The following EPHB2 variants were observed in gnomAD, a reference collection of about 807,000 sequenced individuals.
The protein encoded by EPHB2 is EPH receptor B2.
Under a neutral mutation model 96.4 loss-of-function variants are expected in EPHB2, and 18 were observed. The ratio of observed to expected loss-of-function variants is 0.19; its 90% CI spans 0.13 to 0.28. The LOEUF is 0.28. Among genes scored for constraint, EPHB2 ranks in the 10% least tolerant of loss-of-function variants. The probability of loss-of-function intolerance (pLI) is 1.00; values close to 1 mark genes in which losing one functional copy is unlikely to be tolerated. For synonymous variants in EPHB2, 506 were observed against 534.1 expected (o/e 0.95, Z 0.72); for missense variants, 989 against 1,355.4 (o/e 0.73, Z 4.25).
chr1:22,785,240 G>C (rs976685854), intron 3 of EPHB2, among the ~76,000 whole-genome samples, 164 bp downstream of exon 3: 1 of 152,250 alleles, frequency 6.6e-6, no homozygotes, highest in Non-Finnish European at 1.5e-5. Flanking sequence ...GCTTCTTAGA[G>C]GGAGGCACTT....
chr1:22,788,489 C>T (rs1644643270), intron 3 of EPHB2, among the ~76,000 whole-genome samples: 1 of 152,262 alleles, frequency 6.6e-6, no homozygotes. Flanking sequence ...GCCCAAGCCC[C>T]ATAGGCACTG....
intron 3 of EPHB2, among the ~76,000 whole-genome samples, chr1:22,850,418 C>T (rs1645609190): frequency 6.6e-6 from 1 of 152,242 alleles, no homozygotes; most frequent in African/African-American, 2.4e-5. Context: ...CCATCTCACC[C>T]TCACGGTACC....
chr1:22,845,773 A>G (rs1645532849), intron 3 of EPHB2, among the ~76,000 whole-genome samples: 1 of 152,078 alleles, frequency 6.6e-6, no homozygotes, highest in Non-Finnish European at 1.5e-5. Context: ...CTATAAACAC[A>G]TTGTTCAAAT....
At position 22,915,676 on chromosome 1, in the gene EPHB2, G is replaced by A. The variant is rs1640247129; in HGVS notation, c.*2106G>A. 6.6e-6 allele frequency: 1 copy of A among 152,240 alleles called. No homozygotes were observed. Among genetic ancestry groups the A allele is most frequent in the Non-Finnish European group, 1.5e-5 (1 of 68,056 alleles). The allele number at this position is 152,240 out of a possible 1,614,324, so 9.4% of individuals were successfully genotyped here. On this transcript the variant is annotated 3_prime_UTR_variant, in exon 16 of 16. Transcript: ENST00000374630. ...GTGAGCTGTCATAGTGGGAACGTGA[G>A]GGTCTTAGAGTGCTCATGTACCCCC...
At chr1:22,732,760 A>G (rs1643746548) in intron 1 of EPHB2, among the ~76,000 whole-genome samples, 1 of 152,122 alleles carries the variant, frequency 6.6e-6, no homozygotes, top group Non-Finnish European at 1.5e-5. Context: ...GCTCACATTG[A>G]TATCTCCATT....
Position 22,909,184 on chromosome 1 carries a change from G to C in EPHB2, c.2502+13G>C. Reference sequence around the variant, plus strand: ...GACCAACCAGGATGTAAGTCTCCAAGGGGATAGGCAAGGCCTCTCTGGCCC... The same window carrying C: ...GACCAACCAGGATGTAAGTCTCCAACGGGATAGGCAAGGCCTCTCTGGCCC... On this transcript the variant is annotated intron_variant, in intron 13 of 15. Coordinates refer to ENST00000374630, the MANE Select transcript of EPHB2 (RefSeq NM_017449.5). 1 of 1,614,180 alleles carries C rather than the reference G, an allele frequency of 6.2e-7. No homozygotes were observed. Among genetic ancestry groups the C allele is most frequent in the Non-Finnish European group, 8.5e-7 (1 of 1,180,004 alleles).
At chr1:22,796,263 G>T (rs1644765377) in intron 3 of EPHB2, among the ~76,000 whole-genome samples, 1 of 152,140 alleles carries the variant, frequency 6.6e-6, no homozygotes, top group Non-Finnish European at 1.5e-5. Flanking sequence ...GAAGGGGATG[G>T]GCTGCGTAGC....
chr1:22,724,545 G>T (rs1643540128), intron 1 of EPHB2, among the ~76,000 whole-genome samples: 1 of 152,128 alleles, frequency 6.6e-6, no homozygotes, highest in South Asian at 2.1e-4. Flanking sequence ...TTCAGAGGAG[G>T]GAAGAAAGAC....
intron 5 of EPHB2, among the ~76,000 whole-genome samples, chr1:22,868,261 G>A (rs1638549485): frequency 6.6e-6 from 1 of 152,164 alleles, no homozygotes; most frequent in Non-Finnish European, 1.5e-5. Context: ...CACACAGGGA[G>A]AGCCCTCAGG....
chr1:22,766,731 G>A (rs767329747), intron 1 of EPHB2, among the ~76,000 whole-genome samples: 2 of 152,176 alleles, frequency 1.3e-5, no homozygotes, highest in South Asian at 2.1e-4. Flanking sequence ...GCGAGCCAGC[G>A]TGGTGAGATG....
At chr1:22,832,120 G>T (rs766477253) in intron 3 of EPHB2, among the ~76,000 whole-genome samples, 1 of 152,164 alleles carries the variant, frequency 6.6e-6, no homozygotes, top group East Asian at 1.9e-4. Context: ...GAGCCAGAAA[G>T]TAGGGACAAG....
chr1:22,837,341 A>G (rs1645400403), intron 3 of EPHB2, among the ~76,000 whole-genome samples: 1 of 152,102 alleles, frequency 6.6e-6, no homozygotes, highest in African/African-American at 2.4e-5. Context: ...CTGCACACAC[A>G]TAGATGCCTG....
chr1:22,912,727 A>G (rs1334615954), intron 15 of EPHB2, 128 bp downstream of exon 15: 27 of 1,417,292 alleles, frequency 1.9e-5, no homozygotes, highest in Non-Finnish European at 2.6e-5. Flanking sequence ...ACCAAGGGGC[A>G]AGATGGCCAA....
chr1:22,806,504 C>CGGAT (rs144315850), intron 3 of EPHB2, among the ~76,000 whole-genome samples: 108 of 148,704 alleles, frequency 7.3e-4, no homozygotes, highest in African/African-American at 2.7e-3. Flanking sequence ...GACGGACGGA[C>CGGAT]GGATGGATGG....
At position 22,919,351 on chromosome 1, in the gene EPHB2, TAGAA is replaced by T. The variant is rs888279400; in HGVS notation, c.*5785_*5788del. The T allele has an allele frequency of 3.3e-5, 5 of 152,326 alleles. No homozygotes were observed. Among genetic ancestry groups the T allele is most frequent in the Middle Eastern group, 3.4e-3 (1 of 294 alleles). 9.4% of individuals were successfully genotyped at this position (152,326 alleles called of 1,614,324 possible). A position where few individuals can be genotyped will look rare whatever the true frequency, so the allele number is the denominator to read the frequency against. On this transcript the variant is annotated 3_prime_UTR_variant, in exon 16 of 16. Transcript: ENST00000374630. The stretch of plus-strand genomic sequence containing the variant: ...GACAGAGCTAAGCTTTCAGGAAAAT[TAGAA>T]AGACCCTCAGACCCAGAGTCTGTCT...
At chr1:22,768,085 C>A (rs1410343515) in intron 1 of EPHB2, among the ~76,000 whole-genome samples, 1 of 152,128 alleles carries the variant, frequency 6.6e-6, no homozygotes, top group Non-Finnish European at 1.5e-5. Context: ...GCTGCGGAGG[C>A]GGTCCTGGAG....
intron 1 of EPHB2, among the ~76,000 whole-genome samples, chr1:22,727,569 C>T (rs950025024): frequency 6.6e-6 from 1 of 152,072 alleles, no homozygotes; most frequent in African/African-American, 2.4e-5. Flanking sequence ...CAGAGCTGGA[C>T]ATATGGGGAA....
chr1:22,718,000 G>T (rs1252886613), intron 1 of EPHB2, among the ~76,000 whole-genome samples: 1 of 152,218 alleles, frequency 6.6e-6, no homozygotes, highest in African/African-American at 2.4e-5. Flanking sequence ...ACTAAGCTGA[G>T]TGTGTGCCTC....
intron 1 of EPHB2, among the ~76,000 whole-genome samples, chr1:22,738,090 C>A (rs541173563): frequency 2.0e-5 from 3 of 152,214 alleles, no homozygotes; most frequent in Admixed American, 1.3e-4. Flanking sequence ...ACTAACTTAT[C>A]GCAGAGTTGA....
Sources: allele counts gnomAD v4.1 joint callset (sites outside exome capture counted in the v4.1 genomes callset), GRCh38; gene constraint gnomAD v4.1.1; transcripts MANE v1.5; gene names NCBI Gene and HGNC (gene_info 2026-07-23, HGNC 2026-07-21).